SCFD2: variants seen among roughly 807,000 people sequenced by gnomAD.
The protein encoded by SCFD2 is sec1 family domain containing 2.
Under a neutral mutation model 58.9 loss-of-function variants are expected in SCFD2, and 54 were observed. The observed-to-expected ratio is 0.92, with a 90% CI of 0.74 to 1.15. The LOEUF (loss-of-function observed/expected upper bound fraction) is 1.15. Among genes scored for constraint, SCFD2 ranks in the 50% most tolerant of loss-of-function variants. SCFD2 has a pLI of 0.00. For synonymous variants in SCFD2, 321 were observed against 335.9 expected (o/e 0.96, Z 0.49); for missense variants, 805 against 836.6 (o/e 0.96, Z 0.47).
At chr4:53,259,719 A>G (rs981999063) in intron 4 of SCFD2, among the ~76,000 whole-genome samples, 6 of 152,070 alleles carry the variant, frequency 3.9e-5, no homozygotes, top group Non-Finnish European at 8.8e-5. Flanking sequence ...TTGGTTCCAT[A>G]TGAATTTTAG....
At chr4:53,353,477 C>G (rs375012219) in intron 1 of SCFD2, among the ~76,000 whole-genome samples, 1 of 152,182 alleles carries the variant, frequency 6.6e-6, no homozygotes, top group African/African-American at 2.4e-5. Context: ...ACTGCTGTCT[C>G]GGGCAGCCTC....
At chr4:53,223,379 C>T (rs1369040567) in intron 4 of SCFD2, among the ~76,000 whole-genome samples, 1 of 152,210 alleles carries the variant, frequency 6.6e-6, no homozygotes, top group East Asian at 1.9e-4. Context: ...TATAGTTCAT[C>T]AGTCACTAGG....
In SCFD2 at chr4:53,206,728, T is replaced by C. The variant is rs1057138034; in HGVS notation, c.1312-61146A>G. Among the ~76,000 whole-genome samples the C allele has an allele frequency of 1.5e-4, 23 of 152,118 alleles. 1 individual carries two copies. The highest frequency in any genetic ancestry group is 5.3e-4 in the African/African-American group (22 of 41,380). Reference sequence around the variant, plus strand: ...GTCATGGAACAATTATTATTTTTCATTGGTTATTAAATCACTTTGCATGGC... The same window carrying C: ...GTCATGGAACAATTATTATTTTTCACTGGTTATTAAATCACTTTGCATGGC... On this transcript the variant is annotated intron_variant, in intron 4 of 8. Transcript: ENST00000401642.
chr4:53,242,831 T>G (rs1209019479), intron 4 of SCFD2, among the ~76,000 whole-genome samples: 1 of 152,154 alleles, frequency 6.6e-6, no homozygotes, highest in Admixed American at 6.5e-5. Context: ...AATTTCAAAA[T>G]GTAATATCAC....
rs535686680 is a variant in SCFD2, at chr4:53,161,147, A to C, written c.1312-15565T>G. Among the ~76,000 whole-genome samples, 3 of 152,298 alleles carry C rather than the reference A, an allele frequency of 2.0e-5. No homozygotes were observed. The East Asian group carries it at 5.8e-4, about 29-fold the overall frequency. On this transcript the variant is annotated intron_variant, in intron 4 of 8. Coordinates refer to ENST00000401642, the MANE Select transcript of SCFD2 (RefSeq NM_152540.4). ...ATTTTCAGAAGTCCCTACTCCTTAG[A>C]GGGAGGGAGTAACCGGGAGAGAGCA...
At chr4:53,254,638 C>A (rs375738612) in intron 4 of SCFD2, among the ~76,000 whole-genome samples, 1 of 150,714 alleles carries the variant, frequency 6.6e-6, no homozygotes, top group Non-Finnish European at 1.5e-5. Flanking sequence ...TGCACCTGGC[C>A]GACCCATGTC....
rs768917410 is a variant in SCFD2, at chr4:52,918,400, C to G, written c.1707+2325G>C. ...CATCCACTATGTGACAGATGCCACT[C>G]TAGGTACTGGGGATACGGCAGTGAA... On this transcript the variant is annotated intron_variant, in intron 6 of 8. Transcript: ENST00000401642. Among the ~76,000 whole-genome samples, 25 of 152,240 alleles carry G rather than the reference C, an allele frequency of 1.6e-4. 1 individual carries two copies. Among genetic ancestry groups the G allele is most frequent in the Non-Finnish European group, 2.4e-4 (16 of 68,012 alleles).
intron 5 of SCFD2, among the ~76,000 whole-genome samples, chr4:52,985,252 A>C (rs1186248160): frequency 6.6e-6 from 1 of 152,222 alleles, no homozygotes; most frequent in Non-Finnish European, 1.5e-5. Context: ...CATGGTATTC[A>C]GCATGTGTTA....
At chr4:53,036,514 TAAAAA>T (rs1202282548) in intron 5 of SCFD2, among the ~76,000 whole-genome samples, 1 of 149,952 alleles carries the variant, frequency 6.7e-6, no homozygotes, top group Non-Finnish European at 1.5e-5. Flanking sequence ...TATGCATCCA[TAAAAA>T]AGGATAAGTT....
chr4:53,268,916 T>G (rs1290959836), intron 4 of SCFD2, among the ~76,000 whole-genome samples: 1 of 151,952 alleles, frequency 6.6e-6, no homozygotes, highest in Non-Finnish European at 1.5e-5. Flanking sequence ...GATGATAAAG[T>G]AATTAAATAT....
intron 5 of SCFD2, among the ~76,000 whole-genome samples, chr4:52,935,195 A>G (rs1474829560): frequency 6.6e-6 from 1 of 152,190 alleles, no homozygotes; most frequent in Admixed American, 6.5e-5. Context: ...TGGCATATGG[A>G]AGGAGCTCAA....
chr4:53,328,606 A>G (rs910533857), intron 2 of SCFD2, among the ~76,000 whole-genome samples: 1 of 152,242 alleles, frequency 6.6e-6, no homozygotes, highest in African/African-American at 2.4e-5. Context: ...ACAAACATAC[A>G]TACATGCGGA....
chr4:53,212,602 G>GTGTGTGTGTGTGTT (rs57906429), intron 4 of SCFD2, among the ~76,000 whole-genome samples: 2,337 of 150,474 alleles, frequency 0.016, 44 homozygotes, highest in Middle Eastern at 0.044. Context: ...GTGTGTGTGT[G>GTGTGTGTGTGTGTT]TGTGTGCATG....
chr4:53,354,198 C>T (rs1577999295), intron 1 of SCFD2, among the ~76,000 whole-genome samples: 2 of 152,220 alleles, frequency 1.3e-5, no homozygotes, highest in African/African-American at 4.8e-5. Flanking sequence ...GGTGCTCGGG[C>T]ATGGCGGGCT....
intron 4 of SCFD2, among the ~76,000 whole-genome samples, chr4:53,194,095 AT>A (rs1287319886): frequency 1.3e-5 from 2 of 152,190 alleles, no homozygotes; most frequent in African/African-American, 4.8e-5. Context: ...CACCCTACAC[AT>A]ACAACCAACA....
At chr4:53,332,356 C>G (rs943649529) in intron 2 of SCFD2, among the ~76,000 whole-genome samples, 17 of 151,588 alleles carry the variant, frequency 1.1e-4, no homozygotes, top group African/African-American at 3.9e-4. Context: ...CAATAAAATA[C>G]TGGCAAAACG....
chr4:52,904,937 T>C (rs978253714), intron 7 of SCFD2, among the ~76,000 whole-genome samples: 1 of 152,198 alleles, frequency 6.6e-6, no homozygotes, highest in Non-Finnish European at 1.5e-5. Flanking sequence ...TGGGCCTCAG[T>C]TTCCTCACTG....
At chr4:53,095,574 T>G (rs1724599129) in intron 5 of SCFD2, among the ~76,000 whole-genome samples, 1 of 152,152 alleles carries the variant, frequency 6.6e-6, no homozygotes, top group Admixed American at 6.6e-5. Flanking sequence ...TGATAGACAC[T>G]GTGATCCTTT....
chr4:53,303,707 G>T (rs910468346), intron 3 of SCFD2, among the ~76,000 whole-genome samples: 1 of 151,994 alleles, frequency 6.6e-6, no homozygotes, highest in African/African-American at 2.4e-5. Context: ...CAACCCAAAT[G>T]TCCAGCAATG....
Sources: gnomAD v4.1 joint callset for allele counts (sites outside exome capture counted in the v4.1 genomes callset) on GRCh38, gnomAD v4.1.1 for gene constraint, MANE v1.5 for transcripts, NCBI Gene and HGNC (gene_info 2026-07-23, HGNC 2026-07-21) for gene names.